The following FANCC variants were observed in gnomAD, a reference collection of about 807,000 sequenced individuals.
The protein encoded by FANCC is FA complementation group C, also known as Fanconi anemia group C protein.
A neutral mutation model predicts 71.3 loss-of-function variants in FANCC; 55 were observed. The observed-to-expected ratio is 0.77, with a 90% CI of 0.62 to 0.97. FANCC has a LOEUF of 0.97. Among genes scored for constraint, FANCC ranks in the 50% least tolerant of loss-of-function variants. FANCC has a pLI of 0.00. For synonymous variants in FANCC, 275 were observed against 244.9 expected (o/e 1.12, Z -1.15); for missense variants, 678 against 670.9 (o/e 1.01, Z -0.12).
intron 1 of FANCC, among the ~76,000 whole-genome samples, chr9:95,271,966 T>G (rs1832761151): frequency 7.7e-6 from 1 of 129,868 alleles, no homozygotes; most frequent in Non-Finnish European, 1.6e-5. Context: ...AGATGGAGTC[T>G]CGCTCTGTCG....
intron 12 of FANCC, among the ~76,000 whole-genome samples, chr9:95,112,652 C>T (rs1035306749): frequency 6.6e-6 from 1 of 152,198 alleles, no homozygotes; most frequent in Non-Finnish European, 1.5e-5. Context: ...TCAGGGTAGA[C>T]AGATGCACAG....
intron 6 of FANCC, among the ~76,000 whole-genome samples, chr9:95,156,988 TAA>T (rs950509517): frequency 2.6e-5 from 4 of 152,210 alleles, no homozygotes; most frequent in African/African-American, 9.6e-5. Context: ...AGTATATGCT[TAA>T]AGTCAGGAGA....
intron 4 of FANCC, among the ~76,000 whole-genome samples, chr9:95,190,674 C>A (rs78732716): frequency 0.01 from 1,591 of 152,336 alleles, 29 homozygotes; most frequent in African/African-American, 0.037. Context: ...CCCGCCCTGG[C>A]ACTGTGTGGG....
At chr9:95,162,612 A>G (rs1830817864) in intron 6 of FANCC, among the ~76,000 whole-genome samples, 1 of 152,104 alleles carries the variant, frequency 6.6e-6, no homozygotes, top group East Asian at 1.9e-4. Flanking sequence ...ATCCTCATCA[A>G]TATTTGTCAT....
intron 6 of FANCC, among the ~76,000 whole-genome samples, chr9:95,155,165 C>A (rs1284389212): frequency 1.4e-5 from 2 of 144,504 alleles, no homozygotes; most frequent in Non-Finnish European, 3.0e-5. Flanking sequence ...TGAGATCATG[C>A]CACTGCACTC....
At chr9:95,170,637 C>CGTGTGTGTGTGTGTGTGTGT (rs3992109) in intron 6 of FANCC, among the ~76,000 whole-genome samples, 1,272 of 124,318 alleles carry the variant, frequency 0.01, 37 homozygotes, top group Non-Finnish European at 0.015. Context: ...TTGTAAATAT[C>CGTGTGTGTGTGTGTGTGTGT]GTGTGTGTGT....
At chr9:95,252,145 GGC>G (rs1416437821) in intron 1 of FANCC, among the ~76,000 whole-genome samples, 1 of 151,822 alleles carries the variant, frequency 6.6e-6, no homozygotes, top group Non-Finnish European at 1.5e-5. Context: ...TGGGCGTAGT[GGC>G]AGGAGCCTGT....
chr9:95,279,472 C>T (rs943237227), intron 1 of FANCC, among the ~76,000 whole-genome samples: 14 of 150,756 alleles, frequency 9.3e-5, no homozygotes, highest in Admixed American at 6.6e-5. Flanking sequence ...TGCCACTGCA[C>T]TCCAGCCTGG....
At chr9:95,114,776 G>T (rs2072252538) in intron 11 of FANCC, 66 bp from the exon 12 acceptor site, 2 of 1,370,750 alleles carry the variant, frequency 1.5e-6, no homozygotes, top group Non-Finnish European at 2.1e-6. Flanking sequence ...GGAACCACCT[G>T]CAGGGATGAC....
intron 14 of FANCC, among the ~76,000 whole-genome samples, chr9:95,106,587 A>G (rs1202556268): frequency 6.6e-6 from 1 of 152,130 alleles, no homozygotes; most frequent in East Asian, 1.9e-4. Context: ...ACCGTTTTTT[A>G]CCCCTCAAGT....
intron 7 of FANCC, among the ~76,000 whole-genome samples, chr9:95,149,450 TA>T (rs1217982855): frequency 2.0e-5 from 3 of 151,166 alleles, no homozygotes; most frequent in Non-Finnish European, 4.4e-5. Context: ...AAGTTAAAAA[TA>T]AAAAAATAAA....
chr9:95,301,438 G>GT (rs1012108544), intron 1 of FANCC, among the ~76,000 whole-genome samples: 1 of 151,552 alleles, frequency 6.6e-6, no homozygotes, highest in African/African-American at 2.4e-5. Flanking sequence ...TTGGTTCTGG[G>GT]TTTTTTTTAG....
intron 1 of FANCC, chr9:95,292,414 C>A (rs1397840395): frequency 1.4e-5 from 15 of 1,084,386 alleles, no homozygotes; most frequent in Non-Finnish European, 1.7e-5. Flanking sequence ...CCGGCGGCCA[C>A]GAGAGGAGCC....
intron 6 of FANCC, among the ~76,000 whole-genome samples, chr9:95,155,284 A>AGGGGAGGGGAG (rs1830400638): frequency 1.4e-4 from 1 of 7,218 alleles, no homozygotes; most frequent in African/African-American, 5.9e-4. Flanking sequence ...GGGGAGGGGA[A>AGGGGAGGGGAG]GGAAGGGGAC....
intron 1 of FANCC, among the ~76,000 whole-genome samples, chr9:95,296,624 T>C (rs967763552): frequency 6.6e-6 from 1 of 152,152 alleles, no homozygotes; most frequent in African/African-American, 2.4e-5. Context: ...GATTTCGATA[T>C]GAAGACAGAA....
intron 4 of FANCC, among the ~76,000 whole-genome samples, chr9:95,231,004 T>C (rs1379714388): frequency 6.6e-6 from 1 of 152,196 alleles, no homozygotes; most frequent in Non-Finnish European, 1.5e-5. Flanking sequence ...TACAATCCTC[T>C]AGCTAGACAG....
chr9:95,295,636 C>T (rs893752267), intron 1 of FANCC, among the ~76,000 whole-genome samples: 7 of 152,040 alleles, frequency 4.6e-5, no homozygotes, highest in South Asian at 2.1e-4. Context: ...GGCAGGATGG[C>T]GCATGCCTGT....
chr9:95,210,832 ACT>A (rs1340459617), intron 4 of FANCC, among the ~76,000 whole-genome samples: 2 of 152,122 alleles, frequency 1.3e-5, no homozygotes, highest in Non-Finnish European at 2.9e-5. Context: ...CAGAATGGAG[ACT>A]CTGAAAACAT....
intron 4 of FANCC, among the ~76,000 whole-genome samples, chr9:95,177,433 T>C (rs1054354374): frequency 6.6e-6 from 1 of 152,190 alleles, no homozygotes; most frequent in Non-Finnish European, 1.5e-5. Flanking sequence ...CACTGTAGAC[T>C]TCACAGACAC....
Sources: allele counts gnomAD v4.1 joint callset (sites outside exome capture counted in the v4.1 genomes callset), GRCh38; gene constraint gnomAD v4.1.1; transcripts MANE v1.5; gene names NCBI Gene and HGNC (gene_info 2026-07-23, HGNC 2026-07-21).